Variants in MYB observed in about 807,000 individuals in gnomAD.
MYB encodes MYB proto-oncogene, transcription factor.
MYB carries 28 observed loss-of-function variants against 92.9 expected under a neutral mutation model. The ratio of observed to expected loss-of-function variants is 0.30; its 90% CI spans 0.22 to 0.41. MYB has a LOEUF of 0.41. Among genes scored for constraint, MYB ranks in the 10% least tolerant of loss-of-function variants. MYB has a pLI of 1.00. For synonymous variants in MYB, 295 were observed against 329.1 expected, an observed-to-expected ratio of 0.90 and a Z score of 1.12; for missense variants, 679 against 929.3, an observed-to-expected ratio of 0.73 and a Z score of 3.50.
chr6:135,183,207 G>A (rs1049076700), intron 1 of MYB, among the ~76,000 whole-genome samples: 5 of 151,878 alleles, frequency 3.3e-5, no homozygotes, highest in South Asian at 2.1e-4. Context: ...CCTTGAACCT[G>A]CCTCAGGGGA....
intron 6 of MYB, among the ~76,000 whole-genome samples, chr6:135,193,244 G>A (rs1438394060): frequency 6.6e-6 from 1 of 152,100 alleles, no homozygotes; most frequent in South Asian, 2.1e-4. Flanking sequence ...GAAAAAAATC[G>A]AGAAACTTTA....
In MYB at chr6:135,206,225, A is replaced by AAAT. The variant is rs1269845019; in HGVS notation, c.2169+2923_2169+2925dup. Among the ~76,000 whole-genome samples, 480 of 96,586 alleles carry AAAT rather than the reference A, an allele frequency of 5.0e-3. 13 individuals carry two copies. Among genetic ancestry groups the AAAT allele is most frequent in the East Asian group, 8.4e-3 (31 of 3,672 alleles). The allele number at this position is 96,586 out of a possible 152,430, so 63.4% of individuals were successfully genotyped here. On this transcript the variant is annotated intron_variant, in intron 15 of 15. Transcript: ENST00000341911. ...CATCTCAAAAAAAAAAAAAAAAAAA[A>AAAT]AATAATAATAATAATAATAATAATT...
At chr6:135,206,205 C>CAAAAAAAA (rs67836018) in intron 15 of MYB, among the ~76,000 whole-genome samples, 38 of 87,338 alleles carry the variant, frequency 4.4e-4, no homozygotes, top group East Asian at 7.3e-4. Flanking sequence ...GACTCCATCT[C>CAAAAAAAA]AAAAAAAAAA....
At position 135,182,181 on chromosome 6, in the gene MYB, A is replaced by G. The variant is rs1775153555; in HGVS notation, c.23+645A>G. Reference sequence around the variant, plus strand: ...CTGAAAGGCTTTTACTTCCACTGCAAACATTGCACGCGCACCCACACGCGC... The same window carrying G: ...CTGAAAGGCTTTTACTTCCACTGCAGACATTGCACGCGCACCCACACGCGC... On this transcript the variant is annotated intron_variant, in intron 1 of 15. Coordinates refer to ENST00000341911, the MANE Select transcript of MYB (RefSeq NM_001130173.2). The surrounding 1 kb of genome is among the most constrained non-coding windows in gnomAD (Gnocchi z 5.6). Among the ~76,000 whole-genome samples, 1 of 152,182 alleles carries G rather than the reference A, an allele frequency of 6.6e-6. No homozygotes were observed. The highest frequency in any genetic ancestry group is 6.5e-5 in the Admixed American group (1 of 15,282).
In MYB at chr6:135,186,066, A is replaced by C. The variant is rs111852778; in HGVS notation, c.141+46A>C. 4,750 of 1,550,816 alleles carry C rather than the reference A, an allele frequency of 3.1e-3. 101 individuals are homozygous for C. In the African/African-American group the frequency reaches 0.059, roughly 19 times the overall value. ...GACGCAGAAAATAGATAGAGTGTATAATTTATAAAAAACAAAATTTCAACT... is the reference window on the plus strand; with the variant it reads ...GACGCAGAAAATAGATAGAGTGTATCATTTATAAAAAACAAAATTTCAACT... On this transcript the variant is annotated intron_variant, in intron 2 of 15. Coordinates refer to ENST00000341911, the MANE Select transcript of MYB (RefSeq NM_001130173.2).
At position 135,192,626 on chromosome 6, in the gene MYB, C is replaced by A. The variant is rs535261687; in HGVS notation, c.762+68C>A. ...AGTTTAGCTCCAGGTAATAATCATA[C>A]TTTGCAGTTGTATACTTTTCAGAGA... On this transcript the variant is annotated intron_variant, in intron 6 of 15. Transcript: ENST00000341911. The A allele has an allele frequency of 2.8e-5, 41 of 1,459,718 alleles. No individual in the cohort carries two copies. In the East Asian group the frequency reaches 7.3e-4, roughly 26 times the overall value. The allele number at this position is 1,459,718 out of a possible 1,614,324, so 90.4% of individuals were successfully genotyped here.
chr6:135,217,076 A>G (rs1208346705), intron 15 of MYB, among the ~76,000 whole-genome samples: 1 of 152,212 alleles, frequency 6.6e-6, no homozygotes, highest in Non-Finnish European at 1.5e-5. Context: ...CTTCTAGTGT[A>G]TCTTTAAAAA....
intron 15 of MYB, among the ~76,000 whole-genome samples, chr6:135,214,580 T>A (rs902152311): frequency 2.6e-5 from 4 of 152,228 alleles, no homozygotes; most frequent in Non-Finnish European, 5.9e-5. Flanking sequence ...TTCTTTAAGA[T>A]CCAAGTCCTT....
chr6:135,203,797 T>A, intron 15 of MYB: 1 of 1,295,614 alleles, frequency 7.7e-7, no homozygotes, highest in South Asian at 1.3e-5. Context: ...TGTATTTGAC[T>A]GTCAGAATAA....
rs1370126740 is a variant in MYB at position 135,197,151 on chromosome 6, A to G, written c.1394A>G (p.Lys465Arg). The G allele has an allele frequency of 6.2e-7, 1 of 1,613,998 alleles. No homozygotes were observed. Among genetic ancestry groups the G allele is most frequent in the African/African-American group, 1.3e-5 (1 of 75,042 alleles). ...AGTGAGAGTTCACTTGACCCACCCAAGGTCTTACCTCCTGCAAGGCACAGC... is the reference window on the plus strand; with the variant it reads ...AGTGAGAGTTCACTTGACCCACCCAGGGTCTTACCTCCTGCAAGGCACAGC... Reference protein sequence around the residue: ...MLSESSLDPPKVLPPARHSTI... With the variant: ...MLSESSLDPPRVLPPARHSTI... Residue 465 changes from lysine to arginine, a missense_variant, in exon 10 of 16, where the codon AAG (lysine) becomes AGG (arginine). By Grantham distance (26) the Lys-to-Arg change is conservative. Coordinates refer to ENST00000341911, the MANE Select transcript of MYB (RefSeq NM_001130173.2).
intron 6 of MYB, among the ~76,000 whole-genome samples, chr6:135,192,795 T>C (rs1776786898): frequency 6.6e-6 from 1 of 152,192 alleles, no homozygotes; most frequent in South Asian, 2.1e-4. Flanking sequence ...CTCATAGAGA[T>C]AGTGCTGACT....
At chr6:135,194,235 G>T (rs1162503868) in intron 7 of MYB, 121 bp from the exon 8 acceptor site, 2 of 716,536 alleles carry the variant, frequency 2.8e-6, no homozygotes. Flanking sequence ...TTGGTTGGTG[G>T]TGTTGTCACA....
At position 135,192,402 on chromosome 6, in the gene MYB, T is replaced by G; in HGVS notation, c.606T>G (p.Ser202=). 1 of 1,614,256 alleles carries G rather than the reference T, an allele frequency of 6.2e-7. No homozygotes were observed. Among genetic ancestry groups the G allele is most frequent in the South Asian group, 1.1e-5 (1 of 91,090 alleles). ...KVEQEGYLQE[S]SKASQPAVAT... The stretch of plus-strand genomic sequence containing the variant: ...AACAGGAAGGTTATCTGCAGGAGTC[T>G]TCAAAAGCCAGCCAGCCAGCAGTGG... The change falls in exon 6 of 16, where the codon TCT becomes TCG. Residue 202 remains serine (S), a synonymous_variant. Transcript: ENST00000341911.
At chr6:135,194,554 G>T in intron 8 of MYB, 94 bp downstream of exon 8, 4 of 844,962 alleles carry the variant, frequency 4.7e-6, no homozygotes, top group Admixed American at 2.6e-5. Context: ...ACTTAGCAAG[G>T]CTCCATATAT....
intron 2 of MYB, among the ~76,000 whole-genome samples, chr6:135,186,546 C>G (rs913420731): frequency 9.9e-5 from 15 of 152,188 alleles, no homozygotes; most frequent in African/African-American, 3.6e-4. Flanking sequence ...TAAATGTTCT[C>G]TCAATAAGTG....
chr6:135,200,785 T>TA (rs1013678251), intron 13 of MYB: 10 of 280,784 alleles, frequency 3.6e-5, no homozygotes, highest in Non-Finnish European at 7.0e-6. Context: ...TTAATTGTAT[T>TA]AAAAAAAGGG....
At chr6:135,193,144 T>A (rs1007725737) in intron 6 of MYB, among the ~76,000 whole-genome samples, 11 of 152,210 alleles carry the variant, frequency 7.2e-5, no homozygotes, top group African/African-American at 2.7e-4. Flanking sequence ...TTAGTCTCCG[T>A]TGGATCAGTG....
intron 15 of MYB, among the ~76,000 whole-genome samples, chr6:135,217,500 C>T (rs566663020): frequency 1.3e-5 from 2 of 152,286 alleles, no homozygotes; most frequent in African/African-American, 2.4e-5. Context: ...ACTGTGGCTA[C>T]AGCACTCAGC....
intron 13 of MYB, among the ~76,000 whole-genome samples, chr6:135,200,853 C>T (rs1397598359): frequency 6.6e-6 from 1 of 151,930 alleles, no homozygotes; most frequent in Non-Finnish European, 1.5e-5. Flanking sequence ...CTGAGGTGGG[C>T]AGATCACAAG....
Sources: gnomAD v4.1 joint callset for allele counts (sites outside exome capture counted in the v4.1 genomes callset) on GRCh38, gnomAD v4.1.1 for gene constraint, Gnocchi (gnomAD v3.1) non-coding constraint, MANE v1.5 for transcripts, NCBI Gene and HGNC (gene_info 2026-07-23, HGNC 2026-07-21) for gene names.